The following GRID1 variants were observed in gnomAD, a reference collection of about 807,000 sequenced individuals.
The protein encoded by GRID1 is glutamate receptor ionotropic, delta-1.
In GRID1, 28 loss-of-function variants were observed where a neutral mutation model predicts 98.0. That is an observed-to-expected ratio of 0.29 (90% CI 0.21 to 0.39). The LOEUF is 0.39. Among genes scored for constraint, GRID1 ranks in the 10% least tolerant of loss-of-function variants. GRID1 has a pLI of 1.00. For synonymous variants in GRID1, 553 were observed against 538.5 expected (o/e 1.03, Z -0.37); for missense variants, 1,111 against 1,340.5 (o/e 0.83, Z 2.67).
At chr10:85,882,631 G>A (rs957375111) in intron 5 of GRID1, among the ~76,000 whole-genome samples, 10 of 152,164 alleles carry the variant, frequency 6.6e-5, no homozygotes, top group African/African-American at 2.4e-4. Context: ...GTGGGGTTGG[G>A]GGAGGGGGAA....
At chr10:86,304,858 G>A (rs1282873094) in intron 2 of GRID1, among the ~76,000 whole-genome samples, 2 of 152,112 alleles carry the variant, frequency 1.3e-5, no homozygotes, top group African/African-American at 4.8e-5. Context: ...TCTCAGCCCT[G>A]AGCCTCTTGG....
chr10:86,017,976 G>A (rs1589338360), intron 4 of GRID1, among the ~76,000 whole-genome samples: 1 of 152,098 alleles, frequency 6.6e-6, no homozygotes, highest in Admixed American at 6.5e-5. Context: ...CTGCCTCACC[G>A]CAGATTTCCT....
In GRID1 at chr10:85,599,802, A is replaced by AAAATATATATATATATATATATATATAT; in HGVS notation, c.*2470_*2471insATATATATATATATATATATATATATTT. ...GTAGAAAATTCTAAAAAAAAAAAAA[A>AAAATATATATATATATATATATATATAT]ATATATATATATATATATAAACATG... On this transcript the variant is annotated 3_prime_UTR_variant, in exon 16 of 16. Coordinates refer to ENST00000327946, the MANE Select transcript of GRID1 (RefSeq NM_017551.3). The AAAATATATATATATATATATATATATAT allele has an allele frequency of 7.7e-5, 5 of 64,982 alleles. No homozygotes were observed. Among genetic ancestry groups the AAAATATATATATATATATATATATATAT allele is most frequent in the African/African-American group, 4.7e-4 (5 of 10,730 alleles). The allele number at this position is 64,982 out of a possible 1,614,324, so 4.0% of individuals were successfully genotyped here.
intron 5 of GRID1, among the ~76,000 whole-genome samples, chr10:85,888,789 T>C (rs950518076): frequency 4.6e-5 from 7 of 152,204 alleles, no homozygotes; most frequent in African/African-American, 1.7e-4. Context: ...CCTCCCTCTC[T>C]CTTTTTCTTT....
At chr10:86,328,251 G>A (rs1405057822) in intron 2 of GRID1, among the ~76,000 whole-genome samples, 1 of 152,204 alleles carries the variant, frequency 6.6e-6, no homozygotes. Flanking sequence ...TAAACACAGA[G>A]GGAAAGTTCT....
intron 12 of GRID1, among the ~76,000 whole-genome samples, chr10:85,706,512 A>G (rs1272319863): frequency 6.6e-6 from 1 of 152,216 alleles, no homozygotes; most frequent in East Asian, 1.9e-4. Flanking sequence ...GGAAGAATCA[A>G]TATCGTGAAA....
intron 4 of GRID1, among the ~76,000 whole-genome samples, chr10:85,998,208 A>T (rs1190209277): frequency 6.6e-6 from 1 of 152,198 alleles, no homozygotes; most frequent in African/African-American, 2.4e-5. Context: ...TTTTATCAAG[A>T]GCCCACGAAA....
intron 6 of GRID1, among the ~76,000 whole-genome samples, chr10:85,866,448 T>A (rs572812035): frequency 1.6e-3 from 240 of 150,734 alleles, no homozygotes; most frequent in African/African-American, 5.5e-3. Context: ...ATTTGGGATT[T>A]TTTTTTTTCA....
chr10:86,237,715 A>C lies in GRID1; in HGVS notation c.236-31067T>G, dbSNP rs1354851117. 1.1e-4 allele frequency among the ~76,000 whole-genome samples: 16 copies of C among 151,646 alleles called. No individual in the cohort carries two copies. The South Asian group carries it at 2.9e-3, about 28-fold the overall frequency. The stretch of plus-strand genomic sequence containing the variant: ...ACTCTGTCTCAAAAAAAAAAAAAAA[A>C]AGCATGTAGCACCTTCCCCTTCTCT... On this transcript the variant is annotated intron_variant, in intron 2 of 15. Transcript: ENST00000327946.
rs550129400 is a variant in GRID1 at position 85,712,470 on chromosome 10, A to G, written c.1997+10533T>C. Among the ~76,000 whole-genome samples the G allele has an allele frequency of 7.7e-4, 117 of 152,004 alleles. 2 individuals carry two copies. In the South Asian group the frequency reaches 0.024, roughly 31 times the overall value. On this transcript the variant is annotated intron_variant, in intron 12 of 15. Coordinates refer to ENST00000327946, the MANE Select transcript of GRID1 (RefSeq NM_017551.3). ...TGAAGGGAGAAATAGCGATACAAGAATACTTGGGGACATCAATGCCCCACT... is the reference window on the plus strand; with the variant it reads ...TGAAGGGAGAAATAGCGATACAAGAGTACTTGGGGACATCAATGCCCCACT...
At chr10:86,145,114 A>G (rs557191653) in intron 3 of GRID1, among the ~76,000 whole-genome samples, 2 of 152,260 alleles carry the variant, frequency 1.3e-5, no homozygotes, top group African/African-American at 2.4e-5. Flanking sequence ...AGAAATTAAT[A>G]TCCTCAAAAG....
In GRID1 at chr10:86,366,647, G is replaced by A. The variant is rs1220377986; in HGVS notation, c.-255C>T. 1.3e-5 allele frequency among the ~76,000 whole-genome samples: 2 copies of A among 148,746 alleles called. No homozygotes were observed. Among genetic ancestry groups the A allele is most frequent in the East Asian group, 2.0e-4 (1 of 5,124 alleles). On this transcript the variant is annotated 5_prime_UTR_variant, in exon 1 of 16. Transcript: ENST00000327946. This position sits in a 1 kb window ranked among gnomAD's most constrained non-coding sequence, Gnocchi z 4.1. ...GGTGCTGGCAGCTTGAGCCCAGGCC[G>A]GCGCGGCGGGGGCGGCCCGCGGCTG... is the stretch of plus-strand genomic sequence containing the variant.
intron 3 of GRID1, among the ~76,000 whole-genome samples, chr10:86,191,697 C>T (rs1845804595): frequency 6.6e-6 from 1 of 152,136 alleles, no homozygotes; most frequent in African/African-American, 2.4e-5. Flanking sequence ...GTCCCAGTAC[C>T]CACTGGACAG....
chr10:86,068,721 T>C (rs1426024490), intron 4 of GRID1, among the ~76,000 whole-genome samples: 2 of 152,198 alleles, frequency 1.3e-5, no homozygotes, highest in Non-Finnish European at 2.9e-5. Context: ...GGGAGGCAAC[T>C]TGCTCAGATG....
intron 4 of GRID1, among the ~76,000 whole-genome samples, chr10:86,011,550 A>G (rs914035668): frequency 3.3e-5 from 5 of 152,038 alleles, no homozygotes; most frequent in African/African-American, 1.2e-4. Context: ...AGGAAAGAGG[A>G]AAAAAAAGTC....
At chr10:86,143,970 C>T (rs1403243355) in intron 3 of GRID1, among the ~76,000 whole-genome samples, 1 of 152,172 alleles carries the variant, frequency 6.6e-6, no homozygotes, top group African/African-American at 2.4e-5. Flanking sequence ...CATCACCAGG[C>T]CTTCTCAATA....
chr10:86,121,072 C>A (rs1012356577), intron 4 of GRID1, among the ~76,000 whole-genome samples: 4 of 152,178 alleles, frequency 2.6e-5, no homozygotes, highest in African/African-American at 9.7e-5. Context: ...TTTCCCTCCA[C>A]AACATGAAGT....
At chr10:85,775,331 T>C (rs1308863333) in intron 8 of GRID1, among the ~76,000 whole-genome samples, 1 of 21,212 alleles carries the variant, frequency 4.7e-5, no homozygotes, top group Non-Finnish European at 8.9e-5. Context: ...TGTTGTGGGG[T>C]CGGGGGAGGG....
intron 8 of GRID1, among the ~76,000 whole-genome samples, chr10:85,845,524 AT>A (rs557975850): frequency 6.6e-4 from 101 of 152,308 alleles, no homozygotes; most frequent in Middle Eastern, 3.4e-3. Flanking sequence ...AAAATCCCAA[AT>A]TTTTTTGTGG....
Sources: allele counts gnomAD v4.1 joint callset (sites outside exome capture counted in the v4.1 genomes callset), GRCh38; gene constraint gnomAD v4.1.1; non-coding constraint Gnocchi (gnomAD v3.1); transcripts MANE v1.5; gene names NCBI Gene and HGNC (gene_info 2026-07-23, HGNC 2026-07-21).